MCTP2: variants seen among roughly 807,000 people sequenced by gnomAD.
The protein encoded by MCTP2 is multiple C2 and transmembrane domain containing 2.
A neutral mutation model predicts 111.6 loss-of-function variants in MCTP2; 132 were observed. The observed-to-expected ratio is 1.18, with a 90% CI of 1.03 to 1.37. The LOEUF (loss-of-function observed/expected upper bound fraction) is 1.37. MCTP2 is among the 40% of genes most tolerant of loss of function. The pLI, the probability that MCTP2 is intolerant of heterozygous loss-of-function variation, is 0.00. For missense variants in MCTP2, 1,183 were observed against 1,067.9 expected (o/e 1.11, Z -1.50); for synonymous variants, 395 against 387.7 (o/e 1.02, Z -0.22).
At chr15:94,452,381 G>C (rs1177016139) in intron 19 of MCTP2, among the ~76,000 whole-genome samples, 1 of 152,176 alleles carries the variant, frequency 6.6e-6, no homozygotes, top group African/African-American at 2.4e-5. Context: ...ACCGTAGTCA[G>C]CATAGACTGG....
rs1421490912 is a variant in MCTP2 at position 94,479,807 on chromosome 15, A to T, written c.*773A>T. The T allele has an allele frequency of 6.6e-6, 1 of 152,140 alleles. No homozygotes were observed. Among genetic ancestry groups the T allele is most frequent in the Non-Finnish European group, 1.5e-5 (1 of 68,014 alleles). The allele number at this position is 152,140 out of a possible 1,614,324, so 9.4% of individuals were successfully genotyped here. Reference sequence around the variant, plus strand: ...TTTTGCTTATTTTCAAAATATTATAAAATGTCAACATATAATTTCAGAAAG... The same window carrying T: ...TTTTGCTTATTTTCAAAATATTATATAATGTCAACATATAATTTCAGAAAG... On this transcript the variant is annotated 3_prime_UTR_variant, in exon 23 of 23. Coordinates refer to ENST00000357742, the MANE Select transcript of MCTP2 (RefSeq NM_001385001.1).
Position 94,340,915 on chromosome 15 carries a change from C to G in MCTP2, c.960C>G (p.Phe320Leu). Residue 320 changes from phenylalanine to leucine, a missense_variant, in exon 7 of 23, where the codon TTC becomes TTG. Physicochemically the swap from Phe to Leu is conservative, Grantham distance 22 (BLOSUM62 0). Transcript: ENST00000357742. ...ACCTAGTGGTAAAACAGGGTGATTT[C>G]AAGAGACACGTAAGTGGGACCTTCT... ...NLNLVVKQGD[F>L]KRHRWSNRKR... 7 of 1,598,776 alleles carry G rather than the reference C, an allele frequency of 4.4e-6. No homozygotes were observed. Among genetic ancestry groups the G allele is most frequent in the Non-Finnish European group, 5.1e-6 (6 of 1,166,290 alleles).
intron 1 of MCTP2, among the ~76,000 whole-genome samples, chr15:94,245,450 GTA>G (rs1406547318): frequency 7.4e-6 from 1 of 134,548 alleles, no homozygotes; most frequent in East Asian, 2.1e-4. Context: ...ACACATATAT[GTA>G]TATGTATTTA....
At chr15:94,421,574 C>G (rs1055036898) in intron 17 of MCTP2, among the ~76,000 whole-genome samples, 2 of 152,154 alleles carry the variant, frequency 1.3e-5, no homozygotes, top group South Asian at 2.1e-4. Flanking sequence ...CCCCCACATC[C>G]CTTGGCTCAT....
intron 1 of MCTP2, among the ~76,000 whole-genome samples, chr15:94,243,660 T>C (rs1186940901): frequency 1.3e-5 from 2 of 149,192 alleles, no homozygotes; most frequent in East Asian, 2.0e-4. Context: ...TATACACATA[T>C]GCGTATATAT....
At chr15:94,316,989 CCT>C (rs2076404621) in intron 4 of MCTP2, among the ~76,000 whole-genome samples, 1 of 152,016 alleles carries the variant, frequency 6.6e-6, no homozygotes, top group African/African-American at 2.4e-5. Context: ...ATGACTTTTT[CCT>C]CTCGGGAAGA....
intron 1 of MCTP2, among the ~76,000 whole-genome samples, chr15:94,267,988 C>G (rs1244939295): frequency 1.3e-5 from 2 of 149,590 alleles, no homozygotes; most frequent in Non-Finnish European, 3.0e-5. Context: ...GCCTCAGCCT[C>G]CCGAGTAGCT....
intron 1 of MCTP2, among the ~76,000 whole-genome samples, chr15:94,240,177 A>T (rs762374460): frequency 1.4e-4 from 21 of 151,988 alleles, no homozygotes; most frequent in Non-Finnish European, 2.4e-4. Context: ...GCTACCTGAT[A>T]TTTCGGAGTC....
At position 94,243,244 on chromosome 15, in the gene MCTP2, T is replaced by C. The variant is rs568165548; in HGVS notation, c.-66+11580T>C. On this transcript the variant is annotated intron_variant, in intron 1 of 22. Transcript: ENST00000357742. ...ATACGTATGCGTACATACACATGCGTATATGCGTATATACATACATACGTA... is the reference window on the plus strand; with the variant it reads ...ATACGTATGCGTACATACACATGCGCATATGCGTATATACATACATACGTA... 1.1e-4 allele frequency among the ~76,000 whole-genome samples: 17 copies of C among 149,494 alleles called. No individual in the cohort carries two copies. The South Asian group carries it at 2.9e-3, about 26-fold the overall frequency.
At chr15:94,285,892 G>A (rs1370233038) in intron 1 of MCTP2, among the ~76,000 whole-genome samples, 1 of 152,192 alleles carries the variant, frequency 6.6e-6, no homozygotes, top group Non-Finnish European at 1.5e-5. Context: ...CAAGAACATG[G>A]ATGGTGGGGC....
At chr15:94,321,896 T>G (rs1230294850) in intron 4 of MCTP2, among the ~76,000 whole-genome samples, 1 of 152,194 alleles carries the variant, frequency 6.6e-6, no homozygotes, top group Non-Finnish European at 1.5e-5. Context: ...GAAGAAGTGT[T>G]AAGAAAATCA....
chr15:94,476,647 GA>G (rs2074383946), intron 21 of MCTP2, 48 bp from the exon 22 acceptor site: 4 of 897,168 alleles, frequency 4.5e-6, no homozygotes, highest in Non-Finnish European at 5.3e-6. Context: ...TAGATAGATA[GA>G]TAGACAGACA....
chr15:94,231,900 G>A (rs1300073026), intron 1 of MCTP2: 1 of 152,342 alleles, frequency 6.6e-6, no homozygotes, highest in Non-Finnish European at 1.5e-5. Flanking sequence ...CACTAGGGGA[G>A]GGCAGCCTGG....
intron 12 of MCTP2, among the ~76,000 whole-genome samples, chr15:94,379,735 TATA>T (rs1328997889): frequency 1.4e-5 from 2 of 142,928 alleles, no homozygotes; most frequent in African/African-American, 2.7e-5. Context: ...TAATGTGTAA[TATA>T]ATATATGATA....
intron 12 of MCTP2, among the ~76,000 whole-genome samples, chr15:94,375,228 T>C (rs1460981466): frequency 6.6e-6 from 1 of 152,126 alleles, no homozygotes; most frequent in Admixed American, 6.6e-5. Flanking sequence ...TATCAGGAGA[T>C]AGCACCAAGA....
intron 8 of MCTP2, among the ~76,000 whole-genome samples, chr15:94,351,014 A>G (rs1401518495): frequency 6.6e-6 from 1 of 151,822 alleles, no homozygotes; most frequent in Non-Finnish European, 1.5e-5. Flanking sequence ...TTTTAAGTAC[A>G]AAAATTGAGT....
intron 8 of MCTP2, among the ~76,000 whole-genome samples, chr15:94,350,414 C>T (rs1267765593): frequency 6.6e-6 from 1 of 152,160 alleles, no homozygotes; most frequent in Non-Finnish European, 1.5e-5. Flanking sequence ...ATGGTGAAAC[C>T]CTGTCTCTAC....
chr15:94,338,171 G>A (rs2077457137), intron 4 of MCTP2, among the ~76,000 whole-genome samples: 1 of 152,140 alleles, frequency 6.6e-6, no homozygotes, highest in South Asian at 2.1e-4. Context: ...TATTCTGGGG[G>A]CCTATCTTGG....
intron 2 of MCTP2, among the ~76,000 whole-genome samples, chr15:94,311,411 A>G (rs150298081): frequency 6.4e-4 from 98 of 152,296 alleles, no homozygotes; most frequent in African/African-American, 2.3e-3. Flanking sequence ...CTTTTTAATG[A>G]AAAAAGTAAG....
Sources: allele counts gnomAD v4.1 joint callset (sites outside exome capture counted in the v4.1 genomes callset), GRCh38; gene constraint gnomAD v4.1.1; transcripts MANE v1.5; gene names NCBI Gene and HGNC (gene_info 2026-07-23, HGNC 2026-07-21).